The following DNTTIP2 variants were observed in gnomAD, a reference collection of about 807,000 sequenced individuals.
The protein encoded by DNTTIP2 is deoxynucleotidyltransferase terminal-interacting protein 2.
A neutral mutation model predicts 62.4 loss-of-function variants in DNTTIP2; 47 were observed. The ratio of observed to expected loss-of-function variants is 0.75; its 90% CI spans 0.60 to 0.96. The LOEUF (loss-of-function observed/expected upper bound fraction) is 0.96. Among genes scored for constraint, DNTTIP2 ranks in the 40% least tolerant of loss-of-function variants. The pLI, the probability that DNTTIP2 is intolerant of heterozygous loss-of-function variation, is 0.00. For missense variants in DNTTIP2, 870 were observed against 849.1 expected (o/e 1.02, Z -0.31); for synonymous variants, 322 against 300.9 (o/e 1.07, Z -0.73).
In DNTTIP2 at chr1:93,877,247, C is replaced by T. The variant is rs200114575; in HGVS notation, c.688G>A (p.Val230Met). The change falls in exon 2 of 7, where the codon GTG becomes ATG. Residue 230 changes from valine to methionine, a missense_variant. Val to Met is a conservative substitution (Grantham distance 21). Transcript: ENST00000436063. ...TCCTCTGAATTCACAGGTGTACCCA[C>T]GATCTGTTTCTCATTTCCTGGTACA... ...KIVPGNEKQIVGTPVNSEDSD... is the reference protein window; with the variant it reads ...KIVPGNEKQIMGTPVNSEDSD... The T allele has an allele frequency of 1.9e-5, 30 of 1,613,890 alleles. No individual in the cohort carries two copies. The highest frequency in any genetic ancestry group is 1.7e-4 in the Middle Eastern group (1 of 6,060).
In DNTTIP2 at chr1:93,878,891, A is replaced by G. The variant is rs1656082659; in HGVS notation, c.72+186T>C. On this transcript the variant is annotated intron_variant, in intron 1 of 6. Coordinates refer to ENST00000436063, the MANE Select transcript of DNTTIP2 (RefSeq NM_014597.5). ...TCCATACTAAAAATTGCCTTAAGAGACAGTGGTGAAGGCTAAACAGTTTCC... is the reference window on the plus strand; with the variant it reads ...TCCATACTAAAAATTGCCTTAAGAGGCAGTGGTGAAGGCTAAACAGTTTCC... 4 of 700,366 alleles carry G rather than the reference A, an allele frequency of 5.7e-6. No individual in the cohort carries two copies. The African/African-American group carries it at 7.2e-5, about 13-fold the overall frequency. The allele number at this position is 700,366 out of a possible 1,614,324, so 43.4% of individuals were successfully genotyped here.
At position 93,869,898 on chromosome 1, in the gene DNTTIP2, TTGC is replaced by T; in HGVS notation, c.2221_2223del (p.Ala741del). 1.3e-6 allele frequency: 1 copy of T among 780,342 alleles called. No homozygotes were observed. Among genetic ancestry groups the T allele is most frequent in the Non-Finnish European group, 2.4e-6 (1 of 417,758 alleles). 48.3% of individuals were successfully genotyped at this position (780,342 alleles called of 1,614,324 possible). A position where few individuals can be genotyped will look rare whatever the true frequency, so the allele number is the denominator to read the frequency against. On this transcript the variant is annotated inframe_deletion, in exon 7 of 7. Coordinates refer to ENST00000436063, the MANE Select transcript of DNTTIP2 (RefSeq NM_014597.5). ...TTTCGGAACTTTTTTCCTGCTGCAT[TTGC>T]TGCTTTTTCAGCCATGATCTCTGAG...
intron 1 of DNTTIP2, chr1:93,878,473 G>A (rs1430029732): frequency 6.5e-6 from 1 of 154,166 alleles, no homozygotes. Flanking sequence ...CTATAGAAGA[G>A]GGGAGAAAGG....
chr1:93,877,691 A>G lies in DNTTIP2; in HGVS notation c.244T>C (p.Ser82Pro). Residue 82 changes from serine (S) to proline (P), a missense_variant, in exon 2 of 7, where the codon TCT (serine) becomes CCT (proline). Transcript: ENST00000436063. ...TGSLPKGTEP[S>P]TDGETSEAES... Reference sequence around the variant, plus strand: ...GCCTCAGAGGTTTCTCCATCCGTAGATGGTTCAGTCCCCTTTGGTAGTGAG... The same window carrying G: ...GCCTCAGAGGTTTCTCCATCCGTAGGTGGTTCAGTCCCCTTTGGTAGTGAG... The G allele has an allele frequency of 1.2e-6, 2 of 1,613,948 alleles. No individual in the cohort carries two copies. Among genetic ancestry groups the G allele is most frequent in the South Asian group, 2.2e-5 (2 of 91,082 alleles).
intron 1 of DNTTIP2, 91 bp downstream of exon 1, chr1:93,878,986 T>G (rs956114453): frequency 9.3e-6 from 14 of 1,511,848 alleles, no homozygotes; most frequent in East Asian, 2.4e-5. Flanking sequence ...TGTCGGCAGG[T>G]CCTCACCCTT....
intron 4 of DNTTIP2, among the ~76,000 whole-genome samples, chr1:93,872,794 G>A (rs1165581668): frequency 6.6e-6 from 1 of 151,962 alleles, no homozygotes; most frequent in Admixed American, 6.6e-5. Context: ...CCATATTACA[G>A]TAACATTACT....
Position 93,866,654 on chromosome 1 carries a change from C to T in DNTTIP2, c.*3197G>A, listed in dbSNP as rs1201532659. The T allele has an allele frequency of 6.6e-6, 1 of 152,176 alleles. No homozygotes were observed. The highest frequency in any genetic ancestry group is 2.4e-5 in the African/African-American group (1 of 41,428). The allele number at this position is 152,176 out of a possible 1,614,324, so 9.4% of individuals were successfully genotyped here. ...TATATAGCCTCCCCACTCCCCACTCCTTTTGTGACATCTAGTTATGGGACC... is the reference window on the plus strand; with the variant it reads ...TATATAGCCTCCCCACTCCCCACTCTTTTTGTGACATCTAGTTATGGGACC... On this transcript the variant is annotated 3_prime_UTR_variant, in exon 7 of 7. Transcript: ENST00000436063.
chr1:93,877,312 C>G lies in DNTTIP2; in HGVS notation c.623G>C (p.Arg208Thr). The G allele has an allele frequency of 6.2e-7, 1 of 1,613,494 alleles. No individual in the cohort carries two copies. The highest frequency in any genetic ancestry group is 8.5e-7 in the Non-Finnish European group (1 of 1,179,764). ...IATRRTRSMQRKLKAQTEKKD... is the reference protein window; with the variant it reads ...IATRRTRSMQTKLKAQTEKKD... ...CTTTTCAGTTTGTGCCTTTAATTTC[C>G]TCTGCATACTCCTGGTTCTTCTAGT... The change falls in exon 2 of 7, where the codon AGG becomes ACG. Residue 208 changes from arginine to threonine, a missense_variant. Transcript: ENST00000436063.
chr1:93,879,007 T>C (rs1026771142), intron 1 of DNTTIP2, 70 bp downstream of exon 1: 206 of 1,584,360 alleles, frequency 1.3e-4, no homozygotes, highest in Non-Finnish European at 1.7e-4. Context: ...AACCGGACCC[T>C]TGCGCCGCCC....
rs969131900 is a variant in DNTTIP2 at position 93,877,106 on chromosome 1, T to C, written c.829A>G (p.Ile277Val). ...TTGGCCTGTTCGTGCACTGTTAATA[T>C]ATTTTCTGAACTTCTGTGGGAGAAA... ...DDFSHRSSEN[I>V]LTVHEQANVE... is the part of the protein sequence containing the mutation. Residue 277 changes from isoleucine to valine, a missense_variant, in exon 2 of 7, where the codon ATA becomes GTA. By Grantham distance (29) the Ile-to-Val change is conservative (BLOSUM62 3). Coordinates refer to ENST00000436063, the MANE Select transcript of DNTTIP2 (RefSeq NM_014597.5). The C allele has an allele frequency of 1.9e-6, 3 of 1,611,498 alleles. No individual in the cohort carries two copies. Among genetic ancestry groups the C allele is most frequent in the African/African-American group, 2.7e-5 (2 of 74,896 alleles).
rs756866837 is a variant in DNTTIP2, at chr1:93,873,192, G to A, written c.1829C>T (p.Thr610Ile). The change falls in exon 4 of 7, where the codon ACA becomes ATA. Residue 610 changes from threonine (T) to isoleucine (I), a missense_variant. By Grantham distance (89) the Thr-to-Ile change is moderately conservative. Coordinates refer to ENST00000436063, the MANE Select transcript of DNTTIP2 (RefSeq NM_014597.5). ...KNELLQKAVI[T>I]PDFEKNHCVP... Reference sequence around the variant, plus strand: ...ACAGTGGTTTTTTTCAAAATCAGGTGTAATGACGGCTTTCTGCAGAAGCTA... The same window carrying A: ...ACAGTGGTTTTTTTCAAAATCAGGTATAATGACGGCTTTCTGCAGAAGCTA... The A allele has an allele frequency of 6.2e-7, 1 of 1,611,776 alleles. No individual in the cohort carries two copies.
Position 93,866,382 on chromosome 1 carries a change from T to G in DNTTIP2, c.*3469A>C, listed in dbSNP as rs936732163. 2 of 152,236 alleles carry G rather than the reference T, an allele frequency of 1.3e-5. No homozygotes were observed. Among genetic ancestry groups the G allele is most frequent in the African/African-American group, 4.8e-5 (2 of 41,460 alleles). The allele number at this position is 152,236 out of a possible 1,614,324, so 9.4% of individuals were successfully genotyped here. On this transcript the variant is annotated 3_prime_UTR_variant, in exon 7 of 7. Coordinates refer to ENST00000436063, the MANE Select transcript of DNTTIP2 (RefSeq NM_014597.5). ...CCTTACTGAAAACTTTCAATAAAGA[T>G]ATTCATCTAATTAAATAGTAAGTAC...
At position 93,877,667 on chromosome 1, in the gene DNTTIP2, C is replaced by T. The variant is rs1317458061; in HGVS notation, c.268G>A (p.Ala90Thr). 6.2e-7 allele frequency: 1 copy of T among 1,613,938 alleles called. No homozygotes were observed. The highest frequency in any genetic ancestry group is 8.5e-7 in the Non-Finnish European group (1 of 1,179,870). ...TCAGACACAGAATAATTTGACTCTG[C>T]CTCAGAGGTTTCTCCATCCGTAGAT... ...EPSTDGETSE[A>T]ESNYSVSEHH... The change falls in exon 2 of 7, where the codon GCA (alanine) becomes ACA (threonine). Residue 90 changes from alanine (A) to threonine (T), a missense_variant. Ala to Thr is a moderately conservative substitution (Grantham distance 58, BLOSUM62 0). Coordinates refer to ENST00000436063, the MANE Select transcript of DNTTIP2 (RefSeq NM_014597.5).
Position 93,876,322 on chromosome 1 carries a change from T to C in DNTTIP2, c.1613A>G (p.Asn538Ser). 1 of 1,552,158 alleles carries C rather than the reference T, an allele frequency of 6.4e-7. No homozygotes were observed. Among genetic ancestry groups the C allele is most frequent in the African/African-American group, 1.4e-5 (1 of 73,002 alleles). ...TTCTTCATCACTAAACTCATCTTCA[T>C]TTTCGTCATGGTCTGATGAATCTTC... ...SEEDSSDHDE[N>S]EDEFSDEEDF... The change falls in exon 2 of 7, where the codon AAT (asparagine) becomes AGT (serine). Residue 538 changes from asparagine (N) to serine (S), a missense_variant. By Grantham distance (46) the Asn-to-Ser change is conservative. Transcript: ENST00000436063.
At position 93,876,988 on chromosome 1, in the gene DNTTIP2, T is replaced by C. The variant is rs774695745; in HGVS notation, c.947A>G (p.Lys316Arg). 1.9e-6 allele frequency: 3 copies of C among 1,612,974 alleles called. No homozygotes were observed. The highest frequency in any genetic ancestry group is 3.3e-5 in the Admixed American group (2 of 59,974). The change falls in exon 2 of 7, where the codon AAA (lysine) becomes AGA (arginine). Residue 316 changes from lysine (K) to arginine (R), a missense_variant. Coordinates refer to ENST00000436063, the MANE Select transcript of DNTTIP2 (RefSeq NM_014597.5). Reference sequence around the variant, plus strand: ...AGAAAGATTCTTCAGCTGAGAACTTTTCTCATTAATTTCTTTCCCCTCATC... The same window carrying C: ...AGAAAGATTCTTCAGCTGAGAACTTCTCTCATTAATTTCTTTCCCCTCATC... ...ITDEGKEINE[K>R]SSQLKNLSEL... is the part of the protein sequence containing the mutation.
At chr1:93,873,868 A>T (rs1655932915) in intron 3 of DNTTIP2, among the ~76,000 whole-genome samples, 1 of 152,214 alleles carries the variant, frequency 6.6e-6, no homozygotes, top group Non-Finnish European at 1.5e-5. Context: ...TTCTCCTAAA[A>T]CTCTGTGTGA....
Position 93,876,868 on chromosome 1 carries a change from G to C in DNTTIP2, c.1067C>G (p.Ser356Cys), listed in dbSNP as rs1656023288. 1.2e-6 allele frequency: 2 copies of C among 1,613,858 alleles called. No individual in the cohort carries two copies. The highest frequency in any genetic ancestry group is 3.3e-5 in the Admixed American group (2 of 60,008). Residue 356 changes from serine to cysteine, a missense_variant, in exon 2 of 7, where the codon TCT becomes TGT. By Grantham distance (112) the Ser-to-Cys change is moderately radical (BLOSUM62 -1). Coordinates refer to ENST00000436063, the MANE Select transcript of DNTTIP2 (RefSeq NM_014597.5). ...AGTTAATGATTTCATTACAGCCTCA[G>C]AGTTCAGATTAGAGTGCACTGATAC... Reference protein sequence around the residue: ...NAVSVHSNLNSEAVMKSLTQT... With the variant: ...NAVSVHSNLNCEAVMKSLTQT...
At chr1:93,869,987 A>G (rs1377707504) in intron 6 of DNTTIP2, 43 bp from the exon 7 acceptor site, 6 of 757,890 alleles carry the variant, frequency 7.9e-6, no homozygotes, top group Non-Finnish European at 1.5e-5. Context: ...TATATCAGAC[A>G]TTAGAAGTTA....
rs1656043572 is a variant in DNTTIP2 at position 93,877,514 on chromosome 1, A to C, written c.421T>G (p.Ser141Ala). 6.2e-7 allele frequency: 1 copy of C among 1,613,988 alleles called. No individual in the cohort carries two copies. Among genetic ancestry groups the C allele is most frequent in the African/African-American group, 1.3e-5 (1 of 75,036 alleles). ...TKESYTEEIV[S>A]EAESHVSGIS... ...CCTGAAACATGAGATTCTGCTTCAG[A>C]CACTATTTCTTCAGTGTAAGACTCC... The change falls in exon 2 of 7, where the codon TCT (serine) becomes GCT (alanine). Residue 141 changes from serine to alanine, a missense_variant. Ser to Ala is a moderately conservative substitution (Grantham distance 99). Coordinates refer to ENST00000436063, the MANE Select transcript of DNTTIP2 (RefSeq NM_014597.5).
Sources: allele counts gnomAD v4.1 joint callset (sites outside exome capture counted in the v4.1 genomes callset), GRCh38; gene constraint gnomAD v4.1.1; transcripts MANE v1.5; gene names NCBI Gene and HGNC (gene_info 2026-07-23, HGNC 2026-07-21).